ADAM7: variants seen among roughly 807,000 people sequenced by gnomAD.
The protein encoded by ADAM7 is disintegrin and metalloproteinase domain-containing protein 7.
Under a neutral mutation model 102.9 loss-of-function variants are expected in ADAM7, and 97 were observed. The ratio of observed to expected loss-of-function variants is 0.94; its 90% CI spans 0.80 to 1.12. The LOEUF (loss-of-function observed/expected upper bound fraction) is 1.12. Among genes scored for constraint, ADAM7 ranks in the 50% most tolerant of loss-of-function variants. ADAM7 has a pLI of 0.00. For synonymous variants in ADAM7, 334 were observed against 304.4 expected (o/e 1.10, Z -1.01); for missense variants, 991 against 908.7 (o/e 1.09, Z -1.16).
At chr8:24,461,050 T>G (rs1819224416) in intron 3 of ADAM7, among the ~76,000 whole-genome samples, 1 of 152,140 alleles carries the variant, frequency 6.6e-6, no homozygotes, top group Non-Finnish European at 1.5e-5. Flanking sequence ...CATATAAAAT[T>G]CTGGGTTCGC....
In ADAM7 at chr8:24,446,682, G is replaced by GA. The variant is rs1441657002; in HGVS notation, c.157-498dup. On this transcript the variant is annotated intron_variant, in intron 2 of 21. Coordinates refer to ENST00000175238, the MANE Select transcript of ADAM7 (RefSeq NM_003817.4). The stretch of plus-strand genomic sequence containing the variant: ...ATTTATCATTGAGTGCAAAGTAGAC[G>GA]AAAAAACAGTATGTATAAAAATCGC... Among the ~76,000 whole-genome samples, 5 of 151,770 alleles carry GA rather than the reference G, an allele frequency of 3.3e-5. No homozygotes were observed. In the East Asian group the frequency reaches 9.7e-4, roughly 29 times the overall value.
At position 24,482,218 on chromosome 8, in the gene ADAM7, A is replaced by G. The variant is rs2129388335; in HGVS notation, c.782A>G (p.Tyr261Cys). Residue 261 changes from tyrosine to cysteine, a missense_variant, in exon 9 of 22, where the codon TAT becomes TGT. Coordinates refer to ENST00000175238, the MANE Select transcript of ADAM7 (RefSeq NM_003817.4). ...IWTHEDKIELYSNIETTLLRF... is the reference protein window; with the variant it reads ...IWTHEDKIELCSNIETTLLRF... ...ACACATGAAGATAAAATAGAACTAT[A>G]TTCAAATATAGAAACTACCTTATTG... 6.2e-7 allele frequency: 1 copy of G among 1,609,408 alleles called. No homozygotes were observed. Among genetic ancestry groups the G allele is most frequent in the Non-Finnish European group, 8.5e-7 (1 of 1,178,218 alleles).
At chr8:24,500,294 G>A in intron 18 of ADAM7, 38 bp downstream of exon 18, 1 of 1,564,802 alleles carries the variant, frequency 6.4e-7, no homozygotes, top group Non-Finnish European at 8.7e-7. Flanking sequence ...TATATCAAAA[G>A]CCTACCCAGC....
chr8:24,492,695 G>A lies in ADAM7; in HGVS notation c.1655+98G>A, dbSNP rs1820405807. 3.8e-6 allele frequency: 3 copies of A among 782,554 alleles called. No homozygotes were observed. In the East Asian group the frequency reaches 7.7e-5, roughly 20 times the overall value. The allele number at this position is 782,554 out of a possible 1,614,324, so 48.5% of individuals were successfully genotyped here. The stretch of plus-strand genomic sequence containing the variant: ...CCAGACCTGTTAATCTCTTTTTACT[G>A]AGACCGGGAGAAGAGGGAAATAAGA... On this transcript the variant is annotated intron_variant, in intron 15 of 21. Transcript: ENST00000175238.
At chr8:24,490,575 G>A in intron 12 of ADAM7, 1 of 486,754 alleles carries the variant, frequency 2.1e-6, no homozygotes, top group Non-Finnish European at 3.7e-6. Context: ...TTCTGTCAAT[G>A]AGAATCCATT....
At position 24,507,464 on chromosome 8, in the gene ADAM7, AATTT is replaced by A. The variant is rs777167771; in HGVS notation, c.2209-8_2209-5del. On this transcript the variant is annotated splice_polypyrimidine_tract_variant and intron_variant, in intron 20 of 21. Coordinates refer to ENST00000175238, the MANE Select transcript of ADAM7 (RefSeq NM_003817.4). ...TCTGATGTGGCACATGATACAACAT[AATTT>A]ATTTATTATAGAAACCTGCAAGTAA... The A allele has an allele frequency of 1.2e-6, 2 of 1,603,532 alleles. No individual in the cohort carries two copies. Among genetic ancestry groups the A allele is most frequent in the Middle Eastern group, 1.7e-4 (1 of 6,032 alleles).
At position 24,468,759 on chromosome 8, in the gene ADAM7, C is replaced by A. The variant is rs377113891; in HGVS notation, c.580-8C>A. The A allele has an allele frequency of 6.2e-7, 1 of 1,612,650 alleles. No individual in the cohort carries two copies. The highest frequency in any genetic ancestry group is 8.5e-7 in the Non-Finnish European group (1 of 1,179,380). On this transcript the variant is annotated splice_region_variant and splice_polypyrimidine_tract_variant and intron_variant, in intron 6 of 21. Coordinates refer to ENST00000175238, the MANE Select transcript of ADAM7 (RefSeq NM_003817.4). Reference sequence around the variant, plus strand: ...TATACTTCAACTGAATTTTCCCTAACTTTACAGGGCATCCATGATGAAAAG... The same window carrying A: ...TATACTTCAACTGAATTTTCCCTAAATTTACAGGGCATCCATGATGAAAAG...
chr8:24,476,496 G>A lies in ADAM7; in HGVS notation c.697G>A (p.Val233Ile). The change falls in exon 8 of 22, where the codon GTC (valine) becomes ATC (isoleucine). Residue 233 changes from valine (V) to isoleucine (I), a missense_variant. Transcript: ENST00000175238. Reference protein sequence around the residue: ...RNRIWGMVNFVNMIYKTLNIH... With the variant: ...RNRIWGMVNFINMIYKTLNIH... Reference sequence around the variant, plus strand: ...CCGAATTTGGGGAATGGTCAATTTTGTCAACATGGTAAGATTTGATACAGT... The same window carrying A: ...CCGAATTTGGGGAATGGTCAATTTTATCAACATGGTAAGATTTGATACAGT... The A allele has an allele frequency of 2.5e-6, 4 of 1,607,086 alleles. No individual in the cohort carries two copies. Among genetic ancestry groups the A allele is most frequent in the African/African-American group, 1.3e-5 (1 of 74,882 alleles).
intron 7 of ADAM7, among the ~76,000 whole-genome samples, chr8:24,471,498 T>C (rs942972660): frequency 2.6e-5 from 4 of 151,914 alleles, no homozygotes; most frequent in Admixed American, 2.6e-4. Flanking sequence ...CCATTTTTTA[T>C]TGTACTTTTT....
chr8:24,484,635 C>A (rs1820070038), intron 9 of ADAM7, among the ~76,000 whole-genome samples: 1 of 152,122 alleles, frequency 6.6e-6, no homozygotes, highest in Non-Finnish European at 1.5e-5. Context: ...CTTCTAAACA[C>A]TTTTACATTT....
chr8:24,504,204 T>TA (rs1369128474), intron 20 of ADAM7, among the ~76,000 whole-genome samples: 1 of 151,600 alleles, frequency 6.6e-6, no homozygotes, highest in African/African-American at 2.4e-5. Flanking sequence ...TTTGTCTATA[T>TA]AAAAAAAGAA....
At chr8:24,480,493 TTCA>T (rs1819912589) in intron 8 of ADAM7, among the ~76,000 whole-genome samples, 1 of 152,120 alleles carries the variant, frequency 6.6e-6, no homozygotes, top group Non-Finnish European at 1.5e-5. Context: ...TAAAGAGCAG[TTCA>T]ACTCTCCACA....
rs750886049 is a variant in ADAM7, at chr8:24,463,978, A to AT, written c.312+18_312+19insT. ...AGATCATGGTATCTTATGGAACTTT[A>AT]CTGTGTCTCTTCTCTAAAAGCAGTA... On this transcript the variant is annotated intron_variant, in intron 4 of 21. Transcript: ENST00000175238. 1 of 1,594,102 alleles carries AT rather than the reference A, an allele frequency of 6.3e-7. No individual in the cohort carries two copies. Among genetic ancestry groups the AT allele is most frequent in the Non-Finnish European group, 8.6e-7 (1 of 1,162,426 alleles).
intron 20 of ADAM7, chr8:24,506,189 G>A (rs1330441966): frequency 5.5e-6 from 8 of 1,456,682 alleles, no homozygotes; most frequent in Non-Finnish European, 6.5e-6. Flanking sequence ...TTGGTGGTGG[G>A]CTATGTCCTT....
chr8:24,499,853 CAT>C (rs1820693823), intron 17 of ADAM7, among the ~76,000 whole-genome samples: 1 of 149,098 alleles, frequency 6.7e-6, no homozygotes, highest in Non-Finnish European at 1.5e-5. Flanking sequence ...CACACACACA[CAT>C]ACATATCAGG....
intron 3 of ADAM7, among the ~76,000 whole-genome samples, chr8:24,452,178 G>C (rs1414720507): frequency 6.6e-6 from 1 of 151,326 alleles, no homozygotes; most frequent in Non-Finnish European, 1.5e-5. Context: ...ACTTGGTGCA[G>C]AGCTGAGTTC....
At chr8:24,448,660 A>T (rs1192673526) in intron 3 of ADAM7, among the ~76,000 whole-genome samples, 2 of 29,108 alleles carry the variant, frequency 6.9e-5, no homozygotes, top group East Asian at 6.6e-4. Context: ...CAGCTTGTTT[A>T]TTATTATTAT....
intron 16 of ADAM7, among the ~76,000 whole-genome samples, chr8:24,494,163 TAGAG>T (rs1820476487): frequency 6.6e-6 from 1 of 152,156 alleles, no homozygotes; most frequent in Non-Finnish European, 1.5e-5. Context: ...TACAGTGTGA[TAGAG>T]AAATACATTG....
At chr8:24,444,947 G>A (rs779830945) in intron 2 of ADAM7, among the ~76,000 whole-genome samples, 1 of 152,092 alleles carries the variant, frequency 6.6e-6, no homozygotes, top group African/African-American at 2.4e-5. Flanking sequence ...TGGAAACTCT[G>A]TACTATCTTT....
Sources: allele counts gnomAD v4.1 joint callset (sites outside exome capture counted in the v4.1 genomes callset), GRCh38; gene constraint gnomAD v4.1.1; transcripts MANE v1.5; gene names NCBI Gene and HGNC (gene_info 2026-07-23, HGNC 2026-07-21).